RUFY1: variants seen among roughly 807,000 people sequenced by gnomAD.
The protein encoded by RUFY1 is RUN and FYVE domain-containing protein 1.
Under a neutral mutation model 94.6 loss-of-function variants are expected in RUFY1, and 54 were observed. The ratio of observed to expected loss-of-function variants is 0.57; its 90% CI spans 0.46 to 0.72. The LOEUF (loss-of-function observed/expected upper bound fraction) is 0.72, where lower values mean the gene tolerates loss of function less well. Among genes scored for constraint, RUFY1 ranks in the 30% least tolerant of loss-of-function variants. RUFY1 has a pLI of 0.00. For missense variants in RUFY1, 883 were observed against 883.9 expected (o/e 1.00, Z 0.01); for synonymous variants, 396 against 347.3 (o/e 1.14, Z -1.56).
At position 179,605,859 on chromosome 5, in the gene RUFY1, CTTTTT is replaced by C; in HGVS notation, c.1857-11_1857-7del. 7.2e-7 allele frequency: 1 copy of C among 1,392,116 alleles called. No individual in the cohort carries two copies. The allele number at this position is 1,392,116 out of a possible 1,614,324, so 86.2% of individuals were successfully genotyped here. ...CTCTCTCTCACTGCTATGAAATGGCCTTTTTTTTTTCCTTAGGTCCAAGCTGAAGA... is the reference window on the plus strand; with the variant it reads ...CTCTCTCTCACTGCTATGAAATGGCCTTTTTCCTTAGGTCCAAGCTGAAGA... On this transcript the variant is annotated splice_polypyrimidine_tract_variant and intron_variant, in intron 15 of 17. Transcript: ENST00000319449.
chr5:179,563,624 C>T (rs949394371), intron 3 of RUFY1, among the ~76,000 whole-genome samples: 5 of 152,166 alleles, frequency 3.3e-5, no homozygotes, highest in African/African-American at 1.2e-4. Context: ...CGGCCTACAT[C>T]GCTTATATTT....
chr5:179,550,635 G>C lies in RUFY1; in HGVS notation c.66G>C (p.Pro22=), dbSNP rs374837764. ...GGGAGCTGGAGCCGGAGCTGGAGCC[G>C]GGGCCGGGGCCCGGGTCAGCGCTTG... ...RGRELEPELE[P]GPGPGSALEP... is the part of the protein sequence containing the mutation. The change falls in exon 1 of 18, where the codon CCG becomes CCC. Residue 22 remains proline (P), a synonymous_variant. Transcript: ENST00000319449. The C allele has an allele frequency of 5.9e-5, 83 of 1,412,486 alleles. No homozygotes were observed. The African/African-American group carries it at 1.2e-3, about 21-fold the overall frequency. 87.5% of individuals were successfully genotyped at this position (1,412,486 alleles called of 1,614,324 possible).
chr5:179,559,542 A>T, intron 1 of RUFY1: 2 of 409,148 alleles, frequency 4.9e-6, no homozygotes, highest in Non-Finnish European at 6.6e-6. Flanking sequence ...CGTCCGGGAC[A>T]GAGGGTGCAA....
chr5:179,551,787 A>G (rs992918086), intron 1 of RUFY1, among the ~76,000 whole-genome samples: 1 of 149,980 alleles, frequency 6.7e-6, no homozygotes, highest in African/African-American at 2.4e-5. Flanking sequence ...TACTGGGACT[A>G]CAGGCTTGAG....
At chr5:179,556,587 G>A (rs995339971) in intron 1 of RUFY1, among the ~76,000 whole-genome samples, 7 of 151,086 alleles carry the variant, frequency 4.6e-5, no homozygotes, top group African/African-American at 1.5e-4. Context: ...TGCAACCTCC[G>A]CCTCCCGAGT....
At chr5:179,573,317 A>G (rs1763357103) in intron 5 of RUFY1, among the ~76,000 whole-genome samples, 1 of 152,248 alleles carries the variant, frequency 6.6e-6, no homozygotes, top group Non-Finnish European at 1.5e-5. Context: ...ATTAATAGAC[A>G]TGAGTGAGCA....
At position 179,580,947 on chromosome 5, in the gene RUFY1, G is replaced by T. The variant is rs1258115248; in HGVS notation, c.891G>T (p.Glu297Asp). ...KDVQDLDGGK[E>D]HERITDVLDQ... The stretch of plus-strand genomic sequence containing the variant: ...TTCCTTCTTATGCTCCTTTTAAAAG[G>T]CATGAAAGAATTACTGATGTCCTTG... Residue 297 changes from glutamate (E) to aspartate (D), a missense_variant and splice_region_variant, in exon 7 of 18, where the codon GAG becomes GAT. Transcript: ENST00000319449. The T allele has an allele frequency of 2.3e-5, 36 of 1,589,146 alleles. No individual in the cohort carries two copies. Among genetic ancestry groups the T allele is most frequent in the Non-Finnish European group, 3.1e-5 (36 of 1,161,578 alleles).
chr5:179,561,429 C>A (rs1322040126), intron 2 of RUFY1, among the ~76,000 whole-genome samples: 1 of 151,696 alleles, frequency 6.6e-6, no homozygotes, highest in Non-Finnish European at 1.5e-5. Context: ...TTCTTAGTGT[C>A]TTTGGAAGAT....
At position 179,592,696 on chromosome 5, in the gene RUFY1, T is replaced by C. The variant is rs73809482; in HGVS notation, c.1246-782T>C. ...CAGAGTTACTTGTAAACACTGTTCT[T>C]GTACCTGCTTTATTTCTTTGCTTCT... On this transcript the variant is annotated intron_variant, in intron 10 of 17. Coordinates refer to ENST00000319449, the MANE Select transcript of RUFY1 (RefSeq NM_025158.5). Among the ~76,000 whole-genome samples, 1,452 of 152,368 alleles carry C rather than the reference T, an allele frequency of 9.5e-3. 30 individuals carry two copies. The highest frequency in any genetic ancestry group is 0.031 in the African/African-American group (1,301 of 41,594).
At position 179,569,290 on chromosome 5, in the gene RUFY1, C is replaced by T. The variant is rs1331851730; in HGVS notation, c.705-12C>T. On this transcript the variant is annotated splice_polypyrimidine_tract_variant and intron_variant, in intron 4 of 17. Coordinates refer to ENST00000319449, the MANE Select transcript of RUFY1 (RefSeq NM_025158.5). ...TTTCTGAGCATCGCCCTGTCCTGTC[C>T]ATCTCTTTCAGCGAGTTCTATGAGC... 1.2e-6 allele frequency: 2 copies of T among 1,613,704 alleles called. No individual in the cohort carries two copies.
At chr5:179,607,487 T>C in intron 16 of RUFY1, 95 bp from the exon 17 acceptor site, 1 of 959,514 alleles carries the variant, frequency 1.0e-6, no homozygotes, top group Non-Finnish European at 1.7e-6. Context: ...AGGAAACAGG[T>C]GCTATGAGGG....
intron 5 of RUFY1, among the ~76,000 whole-genome samples, chr5:179,574,720 G>C (rs920312168): frequency 9.2e-5 from 14 of 152,110 alleles, no homozygotes; most frequent in African/African-American, 3.1e-4. Context: ...AAATCTCACT[G>C]TTCTCATTTA....
chr5:179,592,740 A>C (rs1199624438), intron 10 of RUFY1, among the ~76,000 whole-genome samples: 1 of 152,208 alleles, frequency 6.6e-6, no homozygotes. Flanking sequence ...ATGCAGGGAA[A>C]CATGTCCTGG....
chr5:179,608,486 T>C lies in RUFY1; in HGVS notation c.1983+827T>C, dbSNP rs188256504. 3,056 of 985,576 alleles carry C rather than the reference T, an allele frequency of 3.1e-3. 10 individuals are homozygous for C. Among genetic ancestry groups the C allele is most frequent in the Non-Finnish European group, 3.1e-3 (2,607 of 830,070 alleles). The allele number at this position is 985,576 out of a possible 1,614,324, so 61.1% of individuals were successfully genotyped here. A position where few individuals can be genotyped will look rare whatever the true frequency, so the allele number is the denominator to read the frequency against. On this transcript the variant is annotated intron_variant, in intron 17 of 17. Transcript: ENST00000319449. ...CACAGGTGCTCATCTTGATGTCTTA[T>C]CAGGCACCCAGGGAACCTGTTTAGA... is the stretch of plus-strand genomic sequence containing the variant.
chr5:179,571,960 T>G (rs902700899), intron 5 of RUFY1, among the ~76,000 whole-genome samples: 3 of 152,238 alleles, frequency 2.0e-5, no homozygotes, highest in African/African-American at 7.2e-5. Context: ...GTTTGCCCTG[T>G]AAGTTTTTTA....
At chr5:179,565,164 C>CTTTTTT (rs138223106) in intron 3 of RUFY1, among the ~76,000 whole-genome samples, 3 of 71,940 alleles carry the variant, frequency 4.2e-5, no homozygotes, top group African/African-American at 5.7e-5. Context: ...TCTAGGTTTT[C>CTTTTTT]TTTTTTTTTT....
rs11382569 is a variant in RUFY1, at chr5:179,555,803, A to AT, written c.311-4207dup. On this transcript the variant is annotated intron_variant, in intron 1 of 17. Transcript: ENST00000319449. ...CCACCACGCCCAGGTAATTTTTTGG[A>AT]TTTTTTTTTTTTTTTAATTGATCAT... 2,241 of 243,104 alleles carry AT rather than the reference A, an allele frequency of 9.2e-3. 3 individuals carry two copies. The highest frequency in any genetic ancestry group is 0.022 in the South Asian group (660 of 30,396). 15.1% of individuals were successfully genotyped at this position (243,104 alleles called of 1,614,324 possible).
intron 2 of RUFY1, among the ~76,000 whole-genome samples, chr5:179,561,025 A>G (rs562751158): frequency 6.6e-5 from 10 of 152,112 alleles, no homozygotes; most frequent in Non-Finnish European, 1.5e-4. Context: ...ACCCTGGCCA[A>G]CATGGTGAAA....
rs768880600 is a variant in RUFY1, at chr5:179,585,880, T to C, written c.1026+15T>C. On this transcript the variant is annotated intron_variant, in intron 8 of 17. Coordinates refer to ENST00000319449, the MANE Select transcript of RUFY1 (RefSeq NM_025158.5). ...TTCAAGAAGAGGTTTGTAAGTTTTATTGAAATTTTTAGACAAAACAGAATG... is the reference window on the plus strand; with the variant it reads ...TTCAAGAAGAGGTTTGTAAGTTTTACTGAAATTTTTAGACAAAACAGAATG... 7.5e-6 allele frequency: 12 copies of C among 1,601,806 alleles called. No homozygotes were observed. The South Asian group carries it at 7.7e-5, about 10-fold the overall frequency.
Sources: gnomAD v4.1 joint callset for allele counts (sites outside exome capture counted in the v4.1 genomes callset) on GRCh38, gnomAD v4.1.1 for gene constraint, MANE v1.5 for transcripts, NCBI Gene and HGNC (gene_info 2026-07-23, HGNC 2026-07-21) for gene names.